Variants in KCND3 observed in about 807,000 individuals in gnomAD.
KCND3 encodes potassium voltage-gated channel subfamily D member 3.
In KCND3, 9 loss-of-function variants were observed where a neutral mutation model predicts 51.1. The ratio of observed to expected loss-of-function variants is 0.18; its 90% CI spans 0.11 to 0.31. The LOEUF (loss-of-function observed/expected upper bound fraction) is 0.31, where lower values mean the gene tolerates loss of function less well. Ranked by LOEUF, KCND3 falls within the 10% of genes least tolerant of loss-of-function variation. The pLI, the probability that KCND3 is intolerant of heterozygous loss-of-function variation, is 1.00. For missense variants in KCND3, 526 were observed against 903.8 expected (o/e 0.58, Z 5.36); for synonymous variants, 349 against 368.0 (o/e 0.95, Z 0.59).
chr1:111,981,489 C>A lies in KCND3; in HGVS notation c.1106+132G>T. 1 of 1,344,766 alleles carries A rather than the reference C, an allele frequency of 7.4e-7. No homozygotes were observed. The highest frequency in any genetic ancestry group is 1.1e-6 in the Non-Finnish European group (1 of 950,712). 83.3% of individuals were successfully genotyped at this position (1,344,766 alleles called of 1,614,324 possible). A position where few individuals can be genotyped will look rare whatever the true frequency, so the allele number is the denominator to read the frequency against. On this transcript the variant is annotated intron_variant, in intron 2 of 7. Coordinates refer to ENST00000302127, the MANE Select transcript of KCND3 (RefSeq NM_001378969.1). The surrounding 1 kb of genome is among the most constrained non-coding windows in gnomAD (Gnocchi z 6.2). ...GGGCTTTACCCTTCGGATAGAGCAA[C>A]TTCCCCTGCCCCCAACACTTGGGTA...
chr1:111,867,045 T>C (rs1668611309), intron 2 of KCND3, among the ~76,000 whole-genome samples: 2 of 152,212 alleles, frequency 1.3e-5, no homozygotes, highest in Admixed American at 1.3e-4. Flanking sequence ...ACCTGTGTGA[T>C]CTTGGATAAG....
chr1:111,834,507 A>G (rs1666986842), intron 2 of KCND3, among the ~76,000 whole-genome samples: 1 of 152,260 alleles, frequency 6.6e-6, no homozygotes, highest in Non-Finnish European at 1.5e-5. Context: ...AGAAACATAT[A>G]TAATCTGAAA....
intron 2 of KCND3, among the ~76,000 whole-genome samples, chr1:111,847,451 T>C (rs965261391): frequency 3.3e-5 from 5 of 152,190 alleles, no homozygotes; most frequent in African/African-American, 1.2e-4. Flanking sequence ...ACCATTTCCA[T>C]GTTATTTTCT....
intron 2 of KCND3, among the ~76,000 whole-genome samples, chr1:111,854,364 G>A (rs1253954760): frequency 6.6e-6 from 1 of 152,220 alleles, no homozygotes. Context: ...GCTGGAGGAT[G>A]TATTTTCAAG....
At chr1:111,849,778 T>C (rs1404510194) in intron 2 of KCND3, among the ~76,000 whole-genome samples, 1 of 152,208 alleles carries the variant, frequency 6.6e-6, no homozygotes, top group Non-Finnish European at 1.5e-5. Flanking sequence ...TGCTTATCTG[T>C]TCTCCTGAAA....
chr1:111,788,151 T>A (rs1261209524), intron 2 of KCND3, among the ~76,000 whole-genome samples: 1 of 152,248 alleles, frequency 6.6e-6, no homozygotes, highest in Non-Finnish European at 1.5e-5. Flanking sequence ...AGAGCCTCTG[T>A]CCCTCCAATC....
intron 2 of KCND3, among the ~76,000 whole-genome samples, chr1:111,856,628 C>T (rs1215890286): frequency 6.6e-6 from 1 of 152,240 alleles, no homozygotes; most frequent in Non-Finnish European, 1.5e-5. Context: ...CGCCAGGAAG[C>T]CTGCTGCCAG....
intron 1 of KCND3, among the ~76,000 whole-genome samples, chr1:111,987,501 G>A (rs531446045): frequency 1.3e-5 from 2 of 152,310 alleles, no homozygotes; most frequent in South Asian, 4.2e-4. Context: ...TACTTTCTCT[G>A]TGTGTGGGGG....
At chr1:111,812,764 C>A (rs928405754) in intron 2 of KCND3, among the ~76,000 whole-genome samples, 3 of 152,186 alleles carry the variant, frequency 2.0e-5, no homozygotes, top group African/African-American at 7.2e-5. Context: ...AGCCCTTGCC[C>A]CACTCATTGT....
Position 111,772,146 on chromosome 1 carries a change from C to T in KCND3, c.*3931G>A, listed in dbSNP as rs1368735719. 3.3e-5 allele frequency: 5 copies of T among 152,044 alleles called. No individual in the cohort carries two copies. Among genetic ancestry groups the T allele is most frequent in the Admixed American group, 3.3e-4 (5 of 15,256 alleles). 9.4% of individuals were successfully genotyped at this position (152,044 alleles called of 1,614,324 possible). A position where few individuals can be genotyped will look rare whatever the true frequency, so the allele number is the denominator to read the frequency against. ...AGTTTCTTTCCACATGTTTTCCCCT[C>T]TCTGAATCAAGGATTTAGCTACTTT... is the stretch of plus-strand genomic sequence containing the variant. On this transcript the variant is annotated 3_prime_UTR_variant, in exon 8 of 8. Transcript: ENST00000302127.
intron 2 of KCND3, among the ~76,000 whole-genome samples, chr1:111,808,814 A>T (rs1285678186): frequency 1.3e-5 from 2 of 152,234 alleles, no homozygotes; most frequent in Admixed American, 6.5e-5. Context: ...AGCATTAAAT[A>T]CTTGTGCTCT....
At chr1:111,779,769 C>T (rs1211622247) in intron 5 of KCND3, among the ~76,000 whole-genome samples, 4 of 152,174 alleles carry the variant, frequency 2.6e-5, no homozygotes, top group African/African-American at 4.8e-5. Flanking sequence ...CTCCTTCACA[C>T]GCTGTCTGCA....
At chr1:111,888,321 G>A (rs1458524253) in intron 2 of KCND3, among the ~76,000 whole-genome samples, 1 of 152,240 alleles carries the variant, frequency 6.6e-6, no homozygotes, top group Non-Finnish European at 1.5e-5. Context: ...AAAAAGAGCT[G>A]CAAAGGAGGA....
At chr1:111,911,141 T>C (rs1435402446) in intron 2 of KCND3, among the ~76,000 whole-genome samples, 1 of 152,242 alleles carries the variant, frequency 6.6e-6, no homozygotes, top group African/African-American at 2.4e-5. Flanking sequence ...TTCCTACTTC[T>C]AGAATTTCTT....
At chr1:111,938,865 G>A (rs912328291) in intron 2 of KCND3, among the ~76,000 whole-genome samples, 3 of 152,220 alleles carry the variant, frequency 2.0e-5, no homozygotes, top group Admixed American at 2.0e-4. Flanking sequence ...ACTGGGTCCT[G>A]AGCAGAGGAG....
intron 2 of KCND3, among the ~76,000 whole-genome samples, chr1:111,819,952 C>G (rs533994851): frequency 6.6e-6 from 1 of 152,186 alleles, no homozygotes; most frequent in African/African-American, 2.4e-5. Flanking sequence ...CTCCCTGCCC[C>G]GGAGGTTGCA....
intron 2 of KCND3, among the ~76,000 whole-genome samples, chr1:111,896,254 T>C (rs1249785083): frequency 6.6e-6 from 1 of 152,148 alleles, no homozygotes; most frequent in Non-Finnish European, 1.5e-5. Context: ...GACGTGGTGG[T>C]TGAGCACCTG....
intron 2 of KCND3, among the ~76,000 whole-genome samples, chr1:111,912,500 C>T (rs1447100759): frequency 6.6e-6 from 1 of 152,074 alleles, no homozygotes; most frequent in African/African-American, 2.4e-5. Flanking sequence ...CAGTGTCCTC[C>T]TATGTAGAAA....
chr1:111,777,787 G>A (rs1664195331), intron 6 of KCND3, among the ~76,000 whole-genome samples: 2 of 152,342 alleles, frequency 1.3e-5, no homozygotes, highest in South Asian at 4.1e-4. Flanking sequence ...CTGAAGGCCA[G>A]TGGGCAAACT....
Sources: gnomAD v4.1 joint callset for allele counts (sites outside exome capture counted in the v4.1 genomes callset) on GRCh38, gnomAD v4.1.1 for gene constraint, Gnocchi (gnomAD v3.1) non-coding constraint, MANE v1.5 for transcripts, NCBI Gene and HGNC (gene_info 2026-07-23, HGNC 2026-07-21) for gene names.